The following CCDC171 variants were observed in gnomAD, a reference collection of about 807,000 sequenced individuals.
The protein encoded by CCDC171 is coiled-coil domain containing 171, also known as coiled-coil domain-containing protein 171.
CCDC171 carries 177 observed loss-of-function variants against 168.2 expected under a neutral mutation model. That is an observed-to-expected ratio of 1.05 (90% CI 0.93 to 1.19). The LOEUF (loss-of-function observed/expected upper bound fraction) is 1.19, where lower values mean the gene tolerates loss of function less well. Ranked by LOEUF, CCDC171 falls within the 50% of genes most tolerant of loss-of-function variation. The probability of loss-of-function intolerance (pLI) is 0.00; values close to 1 mark genes in which losing one functional copy is unlikely to be tolerated. For missense variants in CCDC171, 1,991 were observed against 1,539.0 expected (o/e 1.29, Z -4.91); for synonymous variants, 687 against 540.8 (o/e 1.27, Z -3.75).
At chr9:16,002,245 G>T (rs1226340994) in intron 3 of CCDC171, among the ~76,000 whole-genome samples, 1 of 148,986 alleles carries the variant, frequency 6.7e-6, no homozygotes, top group African/African-American at 2.5e-5. Context: ...AGGTCTTGCA[G>T]AAGAAGACAT....
chr9:15,952,878 T>C (rs1369675575), intron 25 of CCDC171, among the ~76,000 whole-genome samples: 2 of 152,210 alleles, frequency 1.3e-5, no homozygotes, highest in African/African-American at 4.8e-5. Context: ...GTAGTATCCA[T>C]TATACAAATG....
intron 25 of CCDC171, among the ~76,000 whole-genome samples, chr9:15,924,769 C>CT (rs1825715922): frequency 6.6e-6 from 1 of 151,560 alleles, no homozygotes; most frequent in African/African-American, 2.4e-5. Context: ...ACTTTTGAGT[C>CT]TGTCATTCTG....
chr9:15,678,096 A>T (rs1423999174), intron 9 of CCDC171, among the ~76,000 whole-genome samples: 1 of 149,966 alleles, frequency 6.7e-6, no homozygotes, highest in Non-Finnish European at 1.5e-5. Context: ...TGTTTTGTAG[A>T]GATCGAGTCT....
At chr9:16,029,352 T>C (rs1564127175) in intron 6 of CCDC171, among the ~76,000 whole-genome samples, 2 of 152,374 alleles carry the variant, frequency 1.3e-5, no homozygotes, top group South Asian at 4.1e-4. Context: ...TGTTCCCTCC[T>C]GGTTGAGTAA....
intron 1 of CCDC171, among the ~76,000 whole-genome samples, chr9:15,554,892 T>G (rs764455521): frequency 3.9e-5 from 6 of 152,166 alleles, no homozygotes; most frequent in Non-Finnish European, 8.8e-5. Context: ...ATGTTGGGAT[T>G]AAATGAGATC....
chr9:15,610,469 A>AAAC (rs2043586811), intron 6 of CCDC171, among the ~76,000 whole-genome samples: 3 of 136,272 alleles, frequency 2.2e-5, no homozygotes, highest in Admixed American at 7.4e-5. Context: ...AAAAAAAAAA[A>AAAC]AAAAAAAAAA....
At position 15,745,596 on chromosome 9, in the gene CCDC171, C is replaced by A; in HGVS notation, c.2636C>A (p.Ser879Tyr). The change falls in exon 18 of 26, where the codon TCT becomes TAT. Residue 879 changes from serine (S) to tyrosine (Y), a missense_variant. Ser to Tyr is a moderately radical substitution (Grantham distance 144). Transcript: ENST00000380701. Reference protein sequence around the residue: ...SSDLLAAIISSMAELQDVIGK... With the variant: ...SSDLLAAIISYMAELQDVIGK... ...GACCTTCTTGCTGCAATAATCAGTT[C>A]TATGGCTGAATTACAAGACGTCATT... The A allele has an allele frequency of 1.3e-6, 2 of 1,570,542 alleles. No individual in the cohort carries two copies. The highest frequency in any genetic ancestry group is 1.7e-6 in the Non-Finnish European group (2 of 1,160,996).
intron 11 of CCDC171, among the ~76,000 whole-genome samples, chr9:15,700,030 G>A (rs186754386): frequency 2.4e-4 from 37 of 152,336 alleles, no homozygotes; most frequent in African/African-American, 7.9e-4. Flanking sequence ...TGCCAGTCCC[G>A]TGCCGTGTGA....
intron 10 of CCDC171, among the ~76,000 whole-genome samples, chr9:15,691,466 C>A (rs1359245612): frequency 1.4e-5 from 2 of 144,514 alleles, no homozygotes; most frequent in Admixed American, 7.0e-5. Flanking sequence ...TTTTTTTTTA[C>A]TCTGAGCATA....
intron 25 of CCDC171, among the ~76,000 whole-genome samples, chr9:15,971,106 G>A (rs1168686775): frequency 6.6e-6 from 1 of 152,048 alleles, no homozygotes; most frequent in Non-Finnish European, 1.5e-5. Context: ...TTTTCTAGAG[G>A]TCACTGGGAT....
chr9:15,578,106 CT>C (rs1256523970), intron 3 of CCDC171, among the ~76,000 whole-genome samples: 5 of 152,048 alleles, frequency 3.3e-5, no homozygotes, highest in Non-Finnish European at 1.5e-5. Context: ...TTAAACTATA[CT>C]TTGATGCAAT....
intron 21 of CCDC171, among the ~76,000 whole-genome samples, chr9:15,813,171 G>T (rs1304644989): frequency 1.3e-5 from 2 of 152,178 alleles, no homozygotes; most frequent in East Asian, 3.8e-4. Flanking sequence ...TTTGGCTAAT[G>T]GAATGTGAAC....
At chr9:16,042,541 C>G (rs1383020874), upstream of CCDC171, among the ~76,000 whole-genome samples, 1 of 152,114 alleles carries the variant, frequency 6.6e-6, no homozygotes, top group Admixed American at 6.5e-5. Flanking sequence ...AATTATAACC[C>G]CTGAGGACAA....
chr9:15,921,337 CA>C (rs1825305895), intron 25 of CCDC171, among the ~76,000 whole-genome samples: 1 of 151,730 alleles, frequency 6.6e-6, no homozygotes, highest in Non-Finnish European at 1.5e-5. Flanking sequence ...TTCAAAATCA[CA>C]ACCATCAACT....
chr9:15,715,439 G>A (rs7851240), intron 11 of CCDC171, among the ~76,000 whole-genome samples: 2 of 152,232 alleles, frequency 1.3e-5, no homozygotes, highest in African/African-American at 4.8e-5. Context: ...CTTTTAAAAT[G>A]AAAACAGAAT....
chr9:15,852,789 TA>T (rs1298806667), intron 23 of CCDC171, among the ~76,000 whole-genome samples: 2 of 147,706 alleles, frequency 1.4e-5, no homozygotes, highest in African/African-American at 5.0e-5. Context: ...TCATTTTTTT[TA>T]TATGGCAATC....
intron 21 of CCDC171, among the ~76,000 whole-genome samples, chr9:15,798,469 T>C (rs1185896542): frequency 6.6e-6 from 1 of 152,186 alleles, no homozygotes; most frequent in Non-Finnish European, 1.5e-5. Context: ...GGGATACATG[T>C]GCAGAACATG....
At chr9:16,066,885 A>C in the CCDC171 span, among the ~76,000 whole-genome samples, 2 of 150,430 alleles carry the variant, frequency 1.3e-5, no homozygotes, top group African/African-American at 4.9e-5. Context: ...GGTTGGTTCC[A>C]AGTCTTTGCT....
At chr9:15,792,674 T>C (rs1380620750) in intron 21 of CCDC171, among the ~76,000 whole-genome samples, 1 of 152,132 alleles carries the variant, frequency 6.6e-6, no homozygotes, top group Non-Finnish European at 1.5e-5. Context: ...ATATTCAACA[T>C]TCTTAAAGAA....
Sources: gnomAD v4.1 joint callset for allele counts (sites outside exome capture counted in the v4.1 genomes callset) on GRCh38, gnomAD v4.1.1 for gene constraint, MANE v1.5 for transcripts, NCBI Gene and HGNC (gene_info 2026-07-23, HGNC 2026-07-21) for gene names.